FAT3: variants seen among roughly 807,000 people sequenced by gnomAD.
FAT3 encodes protocadherin Fat 3.
FAT3 carries 95 observed loss-of-function variants against 310.2 expected under a neutral mutation model. The observed-to-expected ratio is 0.31, with a 90% CI of 0.26 to 0.36. The LOEUF (loss-of-function observed/expected upper bound fraction) is 0.36. FAT3 is among the 10% of genes least tolerant of loss of function. The pLI, the probability that FAT3 is intolerant of heterozygous loss-of-function variation, is 1.00. For synonymous variants in FAT3, 2,314 were observed against 2,192.9 expected (o/e 1.06, Z -1.54); for missense variants, 5,408 against 5,715.6 (o/e 0.95, Z 1.74).
chr11:92,882,120 G>C (rs1949682278), intron 23 of FAT3, among the ~76,000 whole-genome samples: 1 of 152,200 alleles, frequency 6.6e-6, no homozygotes, highest in Non-Finnish European at 1.5e-5. Flanking sequence ...AAAGGGTTTG[G>C]AGTATGTTAG....
At chr11:92,434,919 A>G (rs1950890849) in intron 2 of FAT3, among the ~76,000 whole-genome samples, 1 of 152,108 alleles carries the variant, frequency 6.6e-6, no homozygotes, top group Non-Finnish European at 1.5e-5. Context: ...ATGTGTATCA[A>G]CTCCAATGGG....
chr11:92,765,481 T>C (rs80076870), intron 6 of FAT3, among the ~76,000 whole-genome samples: 1 of 152,126 alleles, frequency 6.6e-6, no homozygotes, highest in African/African-American at 2.4e-5. Context: ...CTTTTTTTTT[T>C]CTGCTCCCGA....
intron 4 of FAT3, among the ~76,000 whole-genome samples, chr11:92,717,802 C>T (rs965691071): frequency 2.6e-5 from 4 of 151,974 alleles, no homozygotes; most frequent in Non-Finnish European, 4.4e-5. Flanking sequence ...CTCATTGGGA[C>T]CACAACCCTC....
At chr11:92,825,086 T>C (rs982059917) in intron 13 of FAT3, among the ~76,000 whole-genome samples, 1 of 152,230 alleles carries the variant, frequency 6.6e-6, no homozygotes, top group Non-Finnish European at 1.5e-5. Context: ...TGTTCCTTAA[T>C]AAAAGAAAGC....
intron 21 of FAT3, among the ~76,000 whole-genome samples, chr11:92,862,887 G>C (rs776439575): frequency 2.6e-5 from 4 of 152,124 alleles, no homozygotes; most frequent in Non-Finnish European, 5.9e-5. Context: ...AAAATTGAAT[G>C]ACTTGCTCAA....
At chr11:92,860,478 GAGA>G (rs1336873086) in intron 21 of FAT3, among the ~76,000 whole-genome samples, 1 of 152,206 alleles carries the variant, frequency 6.6e-6, no homozygotes, top group African/African-American at 2.4e-5. Flanking sequence ...GAGAAGGCAG[GAGA>G]AGGAGGGAGA....
At chr11:92,593,175 G>A (rs1480344527) in intron 3 of FAT3, among the ~76,000 whole-genome samples, 3 of 137,132 alleles carry the variant, frequency 2.2e-5, no homozygotes, top group African/African-American at 5.7e-5. Context: ...CATTGTGTGT[G>A]TGCATACCAC....
intron 3 of FAT3, among the ~76,000 whole-genome samples, chr11:92,681,159 G>A (rs1222972113): frequency 6.6e-6 from 1 of 152,212 alleles, no homozygotes; most frequent in East Asian, 1.9e-4. Context: ...ACAAAAGATC[G>A]AGATGAAATG....
intron 1 of FAT3, among the ~76,000 whole-genome samples, chr11:92,287,810 A>G (rs1946595634): frequency 6.6e-6 from 1 of 152,120 alleles, no homozygotes; most frequent in Admixed American, 6.6e-5. Flanking sequence ...GAAGTGCCAG[A>G]GGTTCCCAGG....
chr11:92,272,917 G>T (rs2134340932), intron 1 of FAT3, among the ~76,000 whole-genome samples: 1 of 152,232 alleles, frequency 6.6e-6, no homozygotes, highest in Middle Eastern at 3.4e-3. Context: ...CAGGAGCCTT[G>T]CCCGGTGTTG....
chr11:92,642,083 A>T lies in FAT3; in HGVS notation c.3608-55301A>T, dbSNP rs575980457. Among the ~76,000 whole-genome samples, 4 of 152,318 alleles carry T rather than the reference A, an allele frequency of 2.6e-5. No individual in the cohort carries two copies. The South Asian group carries it at 8.3e-4, about 32-fold the overall frequency. ...TGGGAACAGCTGTGGCAGGTCATGA[A>T]ATGCATGTATCTGAAAAGGGGGGCT... On this transcript the variant is annotated intron_variant, in intron 3 of 27. Transcript: ENST00000525166.
intron 3 of FAT3, among the ~76,000 whole-genome samples, chr11:92,590,777 A>G (rs1247926052): frequency 1.3e-5 from 2 of 152,160 alleles, no homozygotes; most frequent in Non-Finnish European, 2.9e-5. Context: ...AACAGAAAAG[A>G]AGGAGATATG....
intron 2 of FAT3, among the ~76,000 whole-genome samples, chr11:92,417,045 G>C (rs957080252): frequency 5.3e-5 from 8 of 152,076 alleles, no homozygotes; most frequent in African/African-American, 1.9e-4. Context: ...GATAATGAAG[G>C]TATTGAGGCA....
chr11:92,341,956 C>T (rs1709518182), intron 1 of FAT3, among the ~76,000 whole-genome samples: 2 of 152,120 alleles, frequency 1.3e-5, no homozygotes, highest in African/African-American at 4.8e-5. Flanking sequence ...TATCACTCTT[C>T]TCATTCAATT....
chr11:92,509,912 A>G (rs1161927998), intron 2 of FAT3, among the ~76,000 whole-genome samples: 1 of 152,156 alleles, frequency 6.6e-6, no homozygotes, highest in Non-Finnish European at 1.5e-5. Context: ...TCTACAGTGA[A>G]GTGTTGATTT....
rs1206021407 is a variant in FAT3 at position 92,232,158 on chromosome 11, C to A, written c.-18+6984C>A. 2.0e-5 allele frequency among the ~76,000 whole-genome samples: 3 copies of A among 152,050 alleles called. No individual in the cohort carries two copies. The East Asian group carries it at 5.8e-4, about 29-fold the overall frequency. The stretch of plus-strand genomic sequence containing the variant: ...CTCAGATTGGCCTGGCTATGGAGAA[C>A]TTCACTGCAAAGAAATGTACACATG... On this transcript the variant is annotated intron_variant, in intron 1 of 27. Transcript: ENST00000525166.
chr11:92,423,271 GT>G (rs1950567307), intron 2 of FAT3, among the ~76,000 whole-genome samples: 1 of 152,154 alleles, frequency 6.6e-6, no homozygotes, highest in Non-Finnish European at 1.5e-5. Flanking sequence ...ATGCCATGAA[GT>G]TAGTCGGTTG....
Position 92,353,919 on chromosome 11 carries a change from A to G in FAT3, c.1807A>G (p.Ile603Val). The change falls in exon 2 of 28, where the codon ATC becomes GTC. Residue 603 changes from isoleucine to valine, a missense_variant. Around this residue, in one of 5 missense-constraint regions of FAT3, gnomAD observed 4,588 missense variants for 4,809.8 expected, o/e 0.95. Coordinates refer to ENST00000525166, the MANE Select transcript of FAT3 (RefSeq NM_001367949.2). ...TGGTCACATCACAGCAGTCTCAGCG[A>G]TCGATATCGATGAACTTGAACTTGT... is the stretch of plus-strand genomic sequence containing the variant. ...VGGHITAVSA[I>V]DIDELELVKY... is the part of the protein sequence containing the mutation. 6.2e-7 allele frequency: 1 copy of G among 1,612,042 alleles called. No individual in the cohort carries two copies. Among genetic ancestry groups the G allele is most frequent in the Non-Finnish European group, 8.5e-7 (1 of 1,178,306 alleles).
At chr11:92,554,461 CAAAAAAAAAAAAAAAAAAA>C (rs56918849) in intron 3 of FAT3, among the ~76,000 whole-genome samples, 55 of 55,028 alleles carry the variant, frequency 1.0e-3, no homozygotes, top group African/African-American at 4.3e-3. Flanking sequence ...GACTCCATCT[CAAAAAAAAAAAAAAAAAAA>C]AAAAAAAAAA....
Sources: allele counts gnomAD v4.1 joint callset (sites outside exome capture counted in the v4.1 genomes callset), GRCh38; gene constraint gnomAD v4.1.1; regional missense constraint gnomAD v4.1.1; transcripts MANE v1.5; gene names NCBI Gene and HGNC (gene_info 2026-07-23, HGNC 2026-07-21).